Variants in TTC21B observed in about 807,000 individuals in gnomAD.
TTC21B encodes tetratricopeptide repeat domain 21B, also known as tetratricopeptide repeat protein 21B.
In TTC21B, 127 loss-of-function variants were observed where a neutral mutation model predicts 175.1. The observed-to-expected ratio is 0.73, with a 90% CI of 0.63 to 0.84. The LOEUF (loss-of-function observed/expected upper bound fraction) is 0.84. Among genes scored for constraint, TTC21B ranks in the 40% least tolerant of loss-of-function variants. The probability of loss-of-function intolerance (pLI) is 0.00; values close to 1 mark genes in which losing one functional copy is unlikely to be tolerated. For missense variants in TTC21B, 1,561 were observed against 1,558.3 expected (o/e 1.00, Z -0.03); for synonymous variants, 524 against 524.5 (o/e 1.00, Z 0.01).
intron 25 of TTC21B, among the ~76,000 whole-genome samples, chr2:165,887,336 A>G (rs1354240032): frequency 2.0e-5 from 3 of 152,222 alleles, no homozygotes; most frequent in Admixed American, 6.5e-5. Context: ...ACTATTACCA[A>G]CTGCTGATGG....
At position 165,907,721 on chromosome 2, in the gene TTC21B, C is replaced by T. The variant is rs751071160; in HGVS notation, c.2525G>A (p.Ser842Asn). The change falls in exon 19 of 29, where the codon AGT becomes AAT. Residue 842 changes from serine (S) to asparagine (N), a missense_variant. Transcript: ENST00000243344. ...CGCATCACCAAGTTTTTCCATTTTA[C>T]TATAAACTTTTGCTAGAAGAACTTG... ...RCQVLLAKVY[S>N]KMEKLGDAIT... 6.2e-7 allele frequency: 1 copy of T among 1,613,200 alleles called. No individual in the cohort carries two copies. Among genetic ancestry groups the T allele is most frequent in the Admixed American group, 1.7e-5 (1 of 60,022 alleles).
intron 20 of TTC21B, among the ~76,000 whole-genome samples, chr2:165,901,318 T>C (rs1455212044): frequency 1.3e-5 from 2 of 152,120 alleles, no homozygotes; most frequent in East Asian, 3.9e-4. Context: ...CTTGTTTCTA[T>C]TTTTTTATTT....
chr2:165,896,752 C>T (rs1433603953), intron 22 of TTC21B, among the ~76,000 whole-genome samples: 1 of 152,176 alleles, frequency 6.6e-6, no homozygotes, highest in Non-Finnish European at 1.5e-5. Flanking sequence ...CTTTTGCCTA[C>T]CTAGTTTCTG....
At chr2:165,885,022 C>G (rs541896720) in intron 25 of TTC21B, among the ~76,000 whole-genome samples, 1 of 152,126 alleles carries the variant, frequency 6.6e-6, no homozygotes, top group African/African-American at 2.4e-5. Flanking sequence ...TGGTGGCCAG[C>G]CCCTGTAGTC....
At position 165,941,139 on chromosome 2, in the gene TTC21B, T is replaced by C. The variant is rs1387736357; in HGVS notation, c.598A>G (p.Thr200Ala). The C allele has an allele frequency of 1.2e-6, 2 of 1,613,872 alleles. No homozygotes were observed. Among genetic ancestry groups the C allele is most frequent in the Non-Finnish European group, 8.5e-7 (1 of 1,179,844 alleles). Residue 200 changes from threonine to alanine, a missense_variant, in exon 6 of 29, where the codon ACT becomes GCT. By Grantham distance (58) the Thr-to-Ala change is moderately conservative (BLOSUM62 0). Coordinates refer to ENST00000243344, the MANE Select transcript of TTC21B (RefSeq NM_024753.5). ...MRQNYSGALE[T>A]VNQIIVNFPS... ...AAATTCACGATTATCTGGTTCACAGTCTCCAGGGCACCTGAATAATTCTGG... is the reference window on the plus strand; with the variant it reads ...AAATTCACGATTATCTGGTTCACAGCCTCCAGGGCACCTGAATAATTCTGG...
In TTC21B at chr2:165,911,444, C is replaced by G. The variant is rs752254910; in HGVS notation, c.2344G>C (p.Ala782Pro). Residue 782 changes from alanine to proline, a missense_variant, in exon 18 of 29, where the codon GCT becomes CCT. By Grantham distance (27) the Ala-to-Pro change is conservative. Transcript: ENST00000243344. ...TAATTCTTTTGTCCAGTTTTCAGAG[C>G]AGCTTCATAGTAAGTGATTGCCTAA... is the stretch of plus-strand genomic sequence containing the variant. The part of the protein sequence containing the change: ...YSMAITYYEA[A>P]LKTGQKNYLC... The G allele has an allele frequency of 3.1e-6, 5 of 1,613,738 alleles. No individual in the cohort carries two copies. The highest frequency in any genetic ancestry group is 3.3e-5 in the Admixed American group (2 of 59,994).
intron 26 of TTC21B, among the ~76,000 whole-genome samples, chr2:165,883,370 A>AT (rs1269842742): frequency 2.0e-5 from 3 of 150,750 alleles, no homozygotes; most frequent in Admixed American, 2.0e-4. Flanking sequence ...CACAAAATAT[A>AT]TTATGCATAA....
Position 165,930,360 on chromosome 2 carries a change from C to T in TTC21B, c.899G>A (p.Gly300Glu), listed in dbSNP as rs1226227770. ...TTTTTGAAGAATAAGTTGACTACGT[C>T]CACACTAAAAAGAAAAAAAAATGAT... is the stretch of plus-strand genomic sequence containing the variant. ...NITLAFSRTC[G>E]RSQLILQKIQ... Residue 300 changes from glycine to glutamate, a missense_variant, in exon 9 of 29, where the codon GGA (glycine) becomes GAA (glutamate). Gly to Glu is a moderately conservative substitution (Grantham distance 98). Coordinates refer to ENST00000243344, the MANE Select transcript of TTC21B (RefSeq NM_024753.5). 8.1e-6 allele frequency: 13 copies of T among 1,607,154 alleles called. No individual in the cohort carries two copies. Among genetic ancestry groups the T allele is most frequent in the Non-Finnish European group, 1.1e-5 (13 of 1,176,292 alleles).
At chr2:165,901,994 A>T (rs1574083037) in intron 19 of TTC21B, 84 bp from the exon 20 acceptor site, 2 of 1,197,818 alleles carry the variant, frequency 1.7e-6, no homozygotes, top group Non-Finnish European at 2.4e-6. Flanking sequence ...AATTTTACAG[A>T]TTTATTTAAA....
chr2:165,931,928 C>T (rs1268219282), intron 7 of TTC21B, 72 bp from the exon 8 acceptor site: 4 of 998,974 alleles, frequency 4.0e-6, no homozygotes, highest in Non-Finnish European at 6.3e-6. Context: ...CACATACACA[C>T]TAACAAAGCA....
chr2:165,917,333 T>C lies in TTC21B; in HGVS notation c.1823A>G (p.Lys608Arg). The change falls in exon 14 of 29, where the codon AAA (lysine) becomes AGA (arginine). Residue 608 changes from lysine to arginine, a missense_variant. Transcript: ENST00000243344. The stretch of plus-strand genomic sequence containing the variant: ...ACGATGGCTTGTATCAACTTCAGTT[T>C]TTCTGTCTTTTGATTTTGTGGAAGC... ...IGASTKSKDR[K>R]TEVDTSHRLS... The C allele has an allele frequency of 1.2e-6, 2 of 1,614,214 alleles. No homozygotes were observed. The highest frequency in any genetic ancestry group is 1.7e-6 in the Non-Finnish European group (2 of 1,180,030).
chr2:165,953,667 A>ACCCGCTC lies in TTC21B; in HGVS notation c.21+11_21+17dup. On this transcript the variant is annotated intron_variant, in intron 1 of 28. Coordinates refer to ENST00000243344, the MANE Select transcript of TTC21B (RefSeq NM_024753.5). ...CGCCCGCCCGCCCGCTCACCCGCTC[A>ACCCGCTC]CCCGCTCACCCGCTCACCTTCAATT... 6.8e-7 allele frequency: 1 copy of ACCCGCTC among 1,467,740 alleles called. No homozygotes were observed. Among genetic ancestry groups the ACCCGCTC allele is most frequent in the South Asian group, 1.2e-5 (1 of 82,294 alleles). 90.9% of individuals were successfully genotyped at this position (1,467,740 alleles called of 1,614,324 possible).
chr2:165,887,777 A>C (rs752368818), intron 25 of TTC21B, among the ~76,000 whole-genome samples: 5 of 152,194 alleles, frequency 3.3e-5, no homozygotes, highest in Admixed American at 3.3e-4. Context: ...AATAACAAAT[A>C]TGAAAAGATT....
chr2:165,912,761 T>G, intron 16 of TTC21B, 137 bp from the exon 17 acceptor site: 1 of 732,846 alleles, frequency 1.4e-6, no homozygotes, highest in Non-Finnish European at 2.4e-6. Flanking sequence ...ACAGGAACTT[T>G]AACAATTTCA....
At chr2:165,904,598 A>G (rs1397222465) in intron 19 of TTC21B, among the ~76,000 whole-genome samples, 1 of 152,228 alleles carries the variant, frequency 6.6e-6, no homozygotes, top group Non-Finnish European at 1.5e-5. Context: ...GGAAAGCACA[A>G]AGGGTTAGGA....
intron 1 of TTC21B, 102 bp downstream of exon 1, chr2:165,953,583 C>T (rs1687826076): frequency 1.3e-6 from 2 of 1,522,804 alleles, no homozygotes; most frequent in Non-Finnish European, 8.8e-7. Context: ...AAACAGCGGC[C>T]TAGCGAAGCC....
intron 1 of TTC21B, among the ~76,000 whole-genome samples, chr2:165,950,890 G>A (rs1019836401): frequency 5.3e-5 from 8 of 152,170 alleles, no homozygotes; most frequent in African/African-American, 1.7e-4. Context: ...TTACAGGCGT[G>A]AGCCACCACG....
At chr2:165,914,678 T>TGTGTGTGTGTGTGTGTGTGCGCGCACGC (rs1553511317) in intron 15 of TTC21B, among the ~76,000 whole-genome samples, 1 of 117,846 alleles carries the variant, frequency 8.5e-6, no homozygotes, top group African/African-American at 4.0e-5. Context: ...TGTGTGTGTG[T>TGTGTGTGTGTGTGTGTGTGCGCGCACGC]GTGTGTGTGT....
At chr2:165,932,042 T>C (rs747762622) in intron 7 of TTC21B, among the ~76,000 whole-genome samples, 186 bp from the exon 8 acceptor site, 5 of 152,156 alleles carry the variant, frequency 3.3e-5, no homozygotes, top group African/African-American at 4.8e-5. Flanking sequence ...ACAAACTCAA[T>C]AATTATAAAT....
Sources: allele counts gnomAD v4.1 joint callset (sites outside exome capture counted in the v4.1 genomes callset), GRCh38; gene constraint gnomAD v4.1.1; transcripts MANE v1.5; gene names NCBI Gene and HGNC (gene_info 2026-07-23, HGNC 2026-07-21).